Variants in HPSE2 observed in about 807,000 individuals in gnomAD.
HPSE2 encodes inactive heparanase-2.
A neutral mutation model predicts 60.5 loss-of-function variants in HPSE2; 38 were observed. The ratio of observed to expected loss-of-function variants is 0.63; its 90% CI spans 0.48 to 0.82. HPSE2 has a LOEUF of 0.82. HPSE2 is among the 40% of genes least tolerant of loss of function. HPSE2 has a pLI of 0.00. For synonymous variants in HPSE2, 295 were observed against 293.2 expected (o/e 1.01, Z -0.06); for missense variants, 713 against 740.4 (o/e 0.96, Z 0.43).
At chr10:98,916,379 C>T (rs919931908) in intron 3 of HPSE2, among the ~76,000 whole-genome samples, 4 of 152,306 alleles carry the variant, frequency 2.6e-5, no homozygotes, top group African/African-American at 4.8e-5. Flanking sequence ...CTGTCACATA[C>T]TATTTGACAT....
chr10:99,239,791 C>T (rs1377499930), upstream of HPSE2, among the ~76,000 whole-genome samples: 11 of 152,122 alleles, frequency 7.2e-5, no homozygotes, highest in East Asian at 1.9e-3. Flanking sequence ...AACTACTTAT[C>T]TCTATTACTT....
At chr10:98,758,884 G>A (rs1949942352) in intron 3 of HPSE2, among the ~76,000 whole-genome samples, 1 of 152,106 alleles carries the variant, frequency 6.6e-6, no homozygotes, top group Admixed American at 6.6e-5. Flanking sequence ...ATACATGCAT[G>A]CATATGTTCA....
intron 3 of HPSE2, among the ~76,000 whole-genome samples, chr10:99,081,528 G>A (rs1203711437): frequency 2.0e-5 from 3 of 151,698 alleles, no homozygotes; most frequent in Non-Finnish European, 2.9e-5. Context: ...GGATATACTC[G>A]GCACTCACTA....
chr10:99,287,031 C>A, the HPSE2 span, among the ~76,000 whole-genome samples: 1 of 152,142 alleles, frequency 6.6e-6, no homozygotes, highest in East Asian at 1.9e-4. Context: ...CTCTCACAAA[C>A]AACATAATAG....
chr10:98,721,373 T>C (rs1948918390), intron 5 of HPSE2, among the ~76,000 whole-genome samples: 2 of 152,092 alleles, frequency 1.3e-5, no homozygotes, highest in African/African-American at 2.4e-5. Context: ...AGATGCATAA[T>C]ATTAATTGTG....
intron 2 of HPSE2, among the ~76,000 whole-genome samples, chr10:99,224,763 A>G (rs1386048545): frequency 6.6e-6 from 1 of 152,150 alleles, no homozygotes; most frequent in Non-Finnish European, 1.5e-5. Context: ...CAACAGTAGT[A>G]CAGTTGCATT....
At chr10:98,949,472 T>A (rs1303240405) in intron 3 of HPSE2, among the ~76,000 whole-genome samples, 7 of 152,104 alleles carry the variant, frequency 4.6e-5, no homozygotes, top group Non-Finnish European at 8.8e-5. Flanking sequence ...GTAACCAAGC[T>A]TCCAGCCATA....
chr10:99,257,515 C>G, the HPSE2 span, among the ~76,000 whole-genome samples: 50 of 152,286 alleles, frequency 3.3e-4, no homozygotes, highest in African/African-American at 1.1e-3. Flanking sequence ...GTAGCACTCC[C>G]AGGCTTATTA....
chr10:98,730,946 T>C (rs1406499983), intron 4 of HPSE2, among the ~76,000 whole-genome samples: 2 of 152,046 alleles, frequency 1.3e-5, no homozygotes, highest in Admixed American at 1.3e-4. Context: ...ACTTTTCAAC[T>C]TATGTTATGA....
chr10:99,184,817 TATAGAGAGAGAGAGAGAG>T (rs1408687465), intron 2 of HPSE2, among the ~76,000 whole-genome samples: 3 of 17,194 alleles, frequency 1.7e-4, no homozygotes, highest in Non-Finnish European at 4.9e-4. Context: ...TATATATATA[TATAGAGAGAGAGAGAGAG>T]AGAGAGAGAG....
intron 3 of HPSE2, among the ~76,000 whole-genome samples, chr10:99,065,425 TAAAAAACAAAACA>T (rs1842582964): frequency 6.7e-6 from 1 of 149,954 alleles, no homozygotes; most frequent in Non-Finnish European, 1.5e-5. Context: ...CATTGATTAG[TAAAAAACAAAACA>T]AAACAAAGGA....
intron 3 of HPSE2, among the ~76,000 whole-genome samples, chr10:99,079,919 G>C (rs11189959): frequency 1.3e-5 from 2 of 151,980 alleles, no homozygotes; most frequent in African/African-American, 2.4e-5. Flanking sequence ...TATTAGATAC[G>C]TGGTCCAACT....
At chr10:98,813,306 T>A (rs1951210383) in intron 3 of HPSE2, among the ~76,000 whole-genome samples, 1 of 152,166 alleles carries the variant, frequency 6.6e-6, no homozygotes. Flanking sequence ...ACATCAAAAA[T>A]TCCAGAAATT....
At chr10:99,071,954 C>A (rs552388069) in intron 3 of HPSE2, among the ~76,000 whole-genome samples, 1 of 151,352 alleles carries the variant, frequency 6.6e-6, no homozygotes, top group East Asian at 1.9e-4. Flanking sequence ...CAGTACCATA[C>A]TGATTTAATT....
At chr10:99,175,004 G>T (rs115912310) in intron 2 of HPSE2, among the ~76,000 whole-genome samples, 1 of 152,106 alleles carries the variant, frequency 6.6e-6, no homozygotes, top group Admixed American at 6.5e-5. Context: ...CCCAGAAACC[G>T]CAAGGGGGTG....
chr10:98,622,548 G>A (rs1163781333), intron 7 of HPSE2, among the ~76,000 whole-genome samples: 2 of 152,158 alleles, frequency 1.3e-5, no homozygotes, highest in Admixed American at 6.5e-5. Flanking sequence ...TTCTAGTGAG[G>A]TACAGCTCCC....
At chr10:98,750,829 G>A (rs1403758519) in intron 3 of HPSE2, among the ~76,000 whole-genome samples, 2 of 152,280 alleles carry the variant, frequency 1.3e-5, no homozygotes, top group South Asian at 4.2e-4. Context: ...TAAATAATTT[G>A]AGTGGGCAGA....
intron 9 of HPSE2, among the ~76,000 whole-genome samples, chr10:98,546,334 C>A (rs1943672560): frequency 7.4e-6 from 1 of 135,720 alleles, no homozygotes; most frequent in African/African-American, 2.5e-5. Context: ...AAAAAAGAGC[C>A]TGCATCGCCA....
intron 3 of HPSE2, among the ~76,000 whole-genome samples, chr10:99,143,677 C>T (rs534199337): frequency 6.6e-5 from 10 of 152,308 alleles, no homozygotes; most frequent in African/African-American, 2.4e-4. Context: ...CTGCAAGCAG[C>T]CTTGAAAAAA....
Sources: gnomAD v4.1 joint callset for allele counts (sites outside exome capture counted in the v4.1 genomes callset) on GRCh38, gnomAD v4.1.1 for gene constraint, MANE v1.5 for transcripts, NCBI Gene and HGNC (gene_info 2026-07-23, HGNC 2026-07-21) for gene names.